The following TYW1B variants were observed in gnomAD, a reference collection of about 807,000 sequenced individuals.
TYW1B encodes tRNA-yW synthesizing protein 1 homolog B.
Under a neutral mutation model 86.9 loss-of-function variants are expected in TYW1B, and 73 were observed. The ratio of observed to expected loss-of-function variants is 0.84; its 90% CI spans 0.70 to 1.02. TYW1B has a LOEUF of 1.02. Ranked by LOEUF, TYW1B falls within the 50% of genes least tolerant of loss-of-function variation. The pLI is 0.00. For synonymous variants in TYW1B, 248 were observed against 292.8 expected (o/e 0.85, Z 1.56); for missense variants, 637 against 827.4 (o/e 0.77, Z 2.82).
At chr7:72,800,706 TCAAA>T (rs1788389325) in intron 6 of TYW1B, among the ~76,000 whole-genome samples, 1 of 33,280 alleles carries the variant, frequency 3.0e-5, no homozygotes, top group African/African-American at 1.2e-4. Flanking sequence ...ACTCGAAAAG[TCAAA>T]AAAAAAAAAA....
At chr7:72,718,812 C>A (rs1214970482) in intron 9 of TYW1B, among the ~76,000 whole-genome samples, 1 of 152,170 alleles carries the variant, frequency 6.6e-6, no homozygotes, top group Non-Finnish European at 1.5e-5. Context: ...AGTAGAAAGG[C>A]AGGTTGAACC....
intron 13 of TYW1B, among the ~76,000 whole-genome samples, chr7:72,603,366 G>A (rs558055418): frequency 2.6e-5 from 4 of 151,784 alleles, no homozygotes; most frequent in South Asian, 4.2e-4. Flanking sequence ...ACGAATGGAC[G>A]GATAGACAGA....
At chr7:72,652,377 GAAAAAAAAAAAA>G (rs1169791430) in intron 11 of TYW1B, among the ~76,000 whole-genome samples, 31 of 31,300 alleles carry the variant, frequency 9.9e-4, no homozygotes, top group South Asian at 3.2e-3. Flanking sequence ...GACTCTGTCT[GAAAAAAAAAAAA>G]AAAAAAAAAA....
intron 8 of TYW1B, among the ~76,000 whole-genome samples, chr7:72,743,173 T>C (rs1172264364): frequency 1.2e-4 from 18 of 152,148 alleles, no homozygotes; most frequent in African/African-American, 4.3e-4. Flanking sequence ...ATAAAGTATT[T>C]AAAGGTGTCA....
intron 13 of TYW1B, among the ~76,000 whole-genome samples, chr7:72,581,379 T>C (rs1811147109): frequency 6.6e-6 from 1 of 152,078 alleles, no homozygotes; most frequent in Non-Finnish European, 1.5e-5. Flanking sequence ...TGGGATTCCC[T>C]AAGGAAATGA....
Position 72,719,353 on chromosome 7 carries a change from G to T in TYW1B, c.1193-5555C>A, listed in dbSNP as rs184345205. Among the ~76,000 whole-genome samples, 116 of 151,942 alleles carry T rather than the reference G, an allele frequency of 7.6e-4. 1 individual carries two copies. Among genetic ancestry groups the T allele is most frequent in the African/African-American group, 2.5e-3 (104 of 41,474 alleles). Reference sequence around the variant, plus strand: ...TTTGGTAAAGACGAAGTTTTGGGCCGGGCGTGGTGGCTCACGCCTGTAATC... The same window carrying T: ...TTTGGTAAAGACGAAGTTTTGGGCCTGGCGTGGTGGCTCACGCCTGTAATC... On this transcript the variant is annotated intron_variant, in intron 9 of 13. Transcript: ENST00000620995.
intron 13 of TYW1B, among the ~76,000 whole-genome samples, chr7:72,603,128 G>A (rs1222746018): frequency 8.5e-5 from 11 of 129,926 alleles, no homozygotes; most frequent in African/African-American, 3.2e-4. Context: ...ATGGATGGAT[G>A]GATGGATAGA....
chr7:72,629,826 G>A (rs561752751), intron 11 of TYW1B, among the ~76,000 whole-genome samples: 61 of 151,996 alleles, frequency 4.0e-4, no homozygotes, highest in Non-Finnish European at 8.4e-4. Flanking sequence ...GGGATTATAG[G>A]CGCACACCGA....
intron 7 of TYW1B, among the ~76,000 whole-genome samples, chr7:72,763,288 T>TTTC (rs1787717770): frequency 1.4e-5 from 2 of 143,020 alleles, no homozygotes; most frequent in East Asian, 2.0e-4. Context: ...TTTTCTTTTT[T>TTTC]TTTTTTTTTT....
At chr7:72,739,622 A>G (rs1892744) in intron 8 of TYW1B, among the ~76,000 whole-genome samples, 12,579 of 148,982 alleles carry the variant, frequency 0.084, 971 homozygotes, top group East Asian at 0.33. Flanking sequence ...AAAAAAAAAA[A>G]GTGGGTAGAG....
intron 7 of TYW1B, among the ~76,000 whole-genome samples, chr7:72,773,803 C>A (rs1787905680): frequency 6.6e-6 from 1 of 152,122 alleles, no homozygotes; most frequent in Admixed American, 6.6e-5. Context: ...GTGGCTCACA[C>A]CTGTAAATCC....
chr7:72,594,938 T>C (rs1554432310), intron 13 of TYW1B, among the ~76,000 whole-genome samples: 1 of 152,178 alleles, frequency 6.6e-6, no homozygotes, highest in Non-Finnish European at 1.5e-5. Context: ...CACCCTTTCG[T>C]GTTTTTCATG....
intron 10 of TYW1B, chr7:72,697,961 C>A (rs1159520227): frequency 6.5e-6 from 1 of 153,530 alleles, no homozygotes; most frequent in Non-Finnish European, 1.5e-5. Context: ...TAGAATGAGG[C>A]CTGACATATC....
At chr7:72,704,010 A>AAC (rs1814554164) in intron 10 of TYW1B, among the ~76,000 whole-genome samples, 2 of 152,202 alleles carry the variant, frequency 1.3e-5, no homozygotes, top group African/African-American at 4.8e-5. Flanking sequence ...AGAGAAATCA[A>AAC]TTAAAAATCT....
intron 7 of TYW1B, among the ~76,000 whole-genome samples, chr7:72,759,248 T>C (rs1258787999): frequency 6.6e-6 from 1 of 152,048 alleles, no homozygotes; most frequent in Non-Finnish European, 1.5e-5. Context: ...GGTGTGAAGA[T>C]CGCTTGAGCC....
At position 72,826,876 on chromosome 7, in the gene TYW1B, G is replaced by C; in HGVS notation, c.114C>G (p.Val38=). The C allele has an allele frequency of 6.2e-7, 1 of 1,612,684 alleles. No homozygotes were observed. The highest frequency in any genetic ancestry group is 1.1e-5 in the South Asian group (1 of 90,744). The change falls in exon 2 of 14, where the codon GTC becomes GTG. Residue 38 remains valine (V), a synonymous_variant. Transcript: ENST00000620995. ...TTACCTGCATCTCGATGACAATCTGGACACAAATCCAAAGGCTAATGCTAA... is the reference window on the plus strand; with the variant it reads ...TTACCTGCATCTCGATGACAATCTGCACACAAATCCAAAGGCTAATGCTAA... The part of the protein sequence containing the change: ...FAVSISLWIC[V]QIVIEMQGFA...
intron 3 of TYW1B, among the ~76,000 whole-genome samples, chr7:72,814,846 C>T (rs1317383719): frequency 6.6e-6 from 1 of 150,850 alleles, no homozygotes; most frequent in South Asian, 2.1e-4. Context: ...AGGTGGATCA[C>T]TTGAGGCCAG....
At chr7:72,746,709 G>A (rs1398053973) in intron 7 of TYW1B, among the ~76,000 whole-genome samples, 5 of 152,190 alleles carry the variant, frequency 3.3e-5, no homozygotes, top group Admixed American at 3.3e-4. Flanking sequence ...CACGTGCACA[G>A]AGGACAGATC....
intron 11 of TYW1B, among the ~76,000 whole-genome samples, chr7:72,675,562 C>CAT (rs1263986003): frequency 2.7e-4 from 28 of 102,494 alleles, no homozygotes; most frequent in African/African-American, 3.5e-4. Context: ...TATATACACA[C>CAT]ATATATATAT....
Sources: allele counts gnomAD v4.1 joint callset (sites outside exome capture counted in the v4.1 genomes callset), GRCh38; gene constraint gnomAD v4.1.1; transcripts MANE v1.5; gene names NCBI Gene and HGNC (gene_info 2026-07-23, HGNC 2026-07-21).